The following CMSS1 variants were observed in gnomAD, a reference collection of about 807,000 sequenced individuals.
CMSS1 encodes protein CMSS1.
Under a neutral mutation model 43.5 loss-of-function variants are expected in CMSS1, and 33 were observed. The ratio of observed to expected loss-of-function variants is 0.76; its 90% CI spans 0.57 to 1.01. The LOEUF (loss-of-function observed/expected upper bound fraction) is 1.01. Ranked by LOEUF, CMSS1 falls within the 50% of genes least tolerant of loss-of-function variation. The probability of loss-of-function intolerance (pLI) is 0.00; values close to 1 mark genes in which losing one functional copy is unlikely to be tolerated. For synonymous variants in CMSS1, 115 were observed against 117.2 expected, an observed-to-expected ratio of 0.98 and a Z score of 0.12; for missense variants, 313 against 326.4, an observed-to-expected ratio of 0.96 and a Z score of 0.32.
rs71132511 is a variant in CMSS1 at position 100,135,438 on chromosome 3, ATGTGTGTGTGTGTG to A, written c.65-11495_65-11482del. On this transcript the variant is annotated intron_variant, in intron 1 of 9. Transcript: ENST00000421999. Reference sequence around the variant, plus strand: ...CTGAGGAGCCTTTGTGTGTGTGTGCATGTGTGTGTGTGTGTGTGTGTGTGTGTGTGTGTGTGTGT... The same window carrying A: ...CTGAGGAGCCTTTGTGTGTGTGTGCATGTGTGTGTGTGTGTGTGTGTGTGT... 3.7e-3 allele frequency among the ~76,000 whole-genome samples: 453 copies of A among 120,830 alleles called. 1 individual carries two copies. The highest frequency in any genetic ancestry group is 8.8e-3 in the African/African-American group (270 of 30,806). 79.3% of individuals were successfully genotyped at this position (120,830 alleles called of 152,430 possible). A position where few individuals can be genotyped will look rare whatever the true frequency, so the allele number is the denominator to read the frequency against.
chr3:100,037,268 TACTC>T (rs138832122), intron 1 of CMSS1, among the ~76,000 whole-genome samples: 1,646 of 152,302 alleles, frequency 0.011, 12 homozygotes, highest in Middle Eastern at 0.02. Flanking sequence ...GTCTGCAACT[TACTC>T]AGATGGTTTA....
At chr3:99,973,388 C>T (rs968052640) in intron 1 of CMSS1, among the ~76,000 whole-genome samples, 5 of 152,194 alleles carry the variant, frequency 3.3e-5, no homozygotes, top group African/African-American at 1.2e-4. Context: ...ACTCTTGTCT[C>T]ATGATCATTA....
intron 1 of CMSS1, among the ~76,000 whole-genome samples, chr3:100,026,270 A>G (rs941759607): frequency 1.3e-5 from 2 of 152,074 alleles, no homozygotes; most frequent in African/African-American, 2.4e-5. Context: ...AATTTATGTT[A>G]TATTTTTGCT....
chr3:99,999,855 A>G (rs926066433), intron 1 of CMSS1, among the ~76,000 whole-genome samples: 1 of 152,294 alleles, frequency 6.6e-6, no homozygotes. Flanking sequence ...AAAACAAAAC[A>G]TGCCATGCTA....
At chr3:99,930,970 T>G (rs1467078216) in intron 1 of CMSS1, 3 of 1,613,710 alleles carry the variant, frequency 1.9e-6, no homozygotes, top group African/African-American at 1.3e-5. Flanking sequence ...TAGTATGTCT[T>G]GGAAATTTCT....
intron 1 of CMSS1, among the ~76,000 whole-genome samples, chr3:100,116,961 A>G (rs759383117): frequency 1.3e-4 from 20 of 152,210 alleles, no homozygotes; most frequent in Non-Finnish European, 2.6e-4. Context: ...TGTTCTTTCT[A>G]TACCATAAAG....
chr3:100,043,014 T>G (rs2065229477), intron 1 of CMSS1, among the ~76,000 whole-genome samples: 1 of 152,272 alleles, frequency 6.6e-6, no homozygotes, highest in Non-Finnish European at 1.5e-5. Flanking sequence ...TAACATAGCC[T>G]GTGCTGGTCA....
intron 1 of CMSS1, among the ~76,000 whole-genome samples, chr3:100,069,156 G>A (rs557081544): frequency 6.6e-6 from 1 of 152,184 alleles, no homozygotes; most frequent in African/African-American, 2.4e-5. Context: ...CTCCTTTAAG[G>A]TCAGTGGCAT....
At chr3:99,998,942 A>G (rs567075162) in intron 1 of CMSS1, among the ~76,000 whole-genome samples, 63 of 152,354 alleles carry the variant, frequency 4.1e-4, no homozygotes, top group Non-Finnish European at 7.3e-4. Flanking sequence ...TCTTTGGCAT[A>G]AAATTCAAGC....
In CMSS1 at chr3:99,841,483, A is replaced by G. The variant is rs931713931; in HGVS notation, c.64+23440A>G. Among the ~76,000 whole-genome samples the G allele has an allele frequency of 2.6e-5, 4 of 152,258 alleles. No individual in the cohort carries two copies. The South Asian group carries it at 8.3e-4, about 32-fold the overall frequency. On this transcript the variant is annotated intron_variant, in intron 1 of 9. Transcript: ENST00000421999. Reference sequence around the variant, plus strand: ...TCAATTCCCTCTGTATTAGCTTGTAACCACCACAGGCATGAATATTCATTA... The same window carrying G: ...TCAATTCCCTCTGTATTAGCTTGTAGCCACCACAGGCATGAATATTCATTA...
chr3:100,151,519 C>T (rs1385970932), intron 2 of CMSS1, among the ~76,000 whole-genome samples: 1 of 152,160 alleles, frequency 6.6e-6, no homozygotes, highest in African/African-American at 2.4e-5. Context: ...TTGCAGTTGC[C>T]TTTCCCCAGG....
chr3:100,038,777 AGGTGCCAAGCCAC>A (rs2065152807), intron 1 of CMSS1, among the ~76,000 whole-genome samples: 1 of 152,188 alleles, frequency 6.6e-6, no homozygotes, highest in Non-Finnish European at 1.5e-5. Flanking sequence ...CTGAGATTAC[AGGTGCCAAGCCAC>A]GGTGCCCAGC....
At chr3:100,091,101 C>T (rs542314489) in intron 1 of CMSS1, among the ~76,000 whole-genome samples, 66 of 151,804 alleles carry the variant, frequency 4.3e-4, no homozygotes, top group Admixed American at 2.5e-3. Flanking sequence ...CTGGCTAACA[C>T]GGTGAAACCC....
chr3:99,965,777 G>A lies in CMSS1; in HGVS notation c.64+147734G>A, dbSNP rs571739349. 7.9e-5 allele frequency among the ~76,000 whole-genome samples: 12 copies of A among 152,298 alleles called. No individual in the cohort carries two copies. In the East Asian group the frequency reaches 2.3e-3, roughly 29 times the overall value. On this transcript the variant is annotated intron_variant, in intron 1 of 9. Coordinates refer to ENST00000421999, the MANE Select transcript of CMSS1 (RefSeq NM_032359.4). ...AAGGTTACCAGATGGAGGTCATTAG[G>A]GGGAGGGTGTTAAATGAAAATGCTT...
chr3:99,958,460 C>T (rs1286520517), intron 1 of CMSS1, among the ~76,000 whole-genome samples: 2 of 152,008 alleles, frequency 1.3e-5, no homozygotes, highest in Middle Eastern at 3.2e-3. Context: ...ACATAGCACT[C>T]AGGCCCACCT....
At chr3:99,901,851 A>G (rs1706448014) in intron 1 of CMSS1, among the ~76,000 whole-genome samples, 1 of 152,138 alleles carries the variant, frequency 6.6e-6, no homozygotes, top group Admixed American at 6.5e-5. Flanking sequence ...TAAGATTTAT[A>G]CATTTGATTT....
chr3:100,121,080 C>T (rs1185539215), intron 1 of CMSS1, among the ~76,000 whole-genome samples: 1 of 152,070 alleles, frequency 6.6e-6, no homozygotes, highest in African/African-American at 2.4e-5. Context: ...CCAAAGTGAC[C>T]CCTGAATTCA....
chr3:99,971,768 C>T (rs1350428578), intron 1 of CMSS1, among the ~76,000 whole-genome samples: 1 of 152,180 alleles, frequency 6.6e-6, no homozygotes, highest in African/African-American at 2.4e-5. Flanking sequence ...GGAGTCCTCT[C>T]CCTGCAACAC....
At chr3:100,144,152 G>A (rs1469741553) in intron 1 of CMSS1, among the ~76,000 whole-genome samples, 1 of 152,070 alleles carries the variant, frequency 6.6e-6, no homozygotes, top group Admixed American at 6.5e-5. Flanking sequence ...TGCGGGGGAG[G>A]AGTAGGGGTT....
Sources: gnomAD v4.1 joint callset for allele counts (sites outside exome capture counted in the v4.1 genomes callset) on GRCh38, gnomAD v4.1.1 for gene constraint, MANE v1.5 for transcripts, NCBI Gene and HGNC (gene_info 2026-07-23, HGNC 2026-07-21) for gene names.